RYR3: variants seen among roughly 807,000 people sequenced by gnomAD.
RYR3 encodes brain ryanodine receptor-calcium release channel.
A neutral mutation model predicts 584.3 loss-of-function variants in RYR3; 207 were observed. That is an observed-to-expected ratio of 0.35 (90% CI 0.32 to 0.40). The LOEUF (loss-of-function observed/expected upper bound fraction) is 0.40, where lower values mean the gene tolerates loss of function less well. Ranked by LOEUF, RYR3 falls within the 10% of genes least tolerant of loss-of-function variation. The probability of loss-of-function intolerance (pLI) is 1.00; values close to 1 mark genes in which losing one functional copy is unlikely to be tolerated. For synonymous variants in RYR3, 2,416 were observed against 2,248.5 expected, an observed-to-expected ratio of 1.07 and a Z score of -2.11; for missense variants, 5,616 against 6,089.2, an observed-to-expected ratio of 0.92 and a Z score of 2.59.
intron 98 of RYR3, among the ~76,000 whole-genome samples, chr15:33,857,166 C>G (rs909334556): frequency 1.3e-5 from 2 of 152,180 alleles, no homozygotes; most frequent in African/African-American, 4.8e-5. Context: ...CGAAGTACTA[C>G]AGACTGCTAT....
intron 18 of RYR3, among the ~76,000 whole-genome samples, chr15:33,606,370 C>T (rs947781457): frequency 2.0e-5 from 3 of 152,196 alleles, no homozygotes; most frequent in African/African-American, 7.2e-5. Flanking sequence ...TGGTACTTCA[C>T]TCAAGACCAT....
chr15:33,543,507 C>G (rs2055997436), intron 7 of RYR3, 115 bp from the exon 8 acceptor site: 1 of 727,154 alleles, frequency 1.4e-6, no homozygotes. Flanking sequence ...CAAAATGTGT[C>G]TCTCTCAGTA....
At chr15:33,808,252 C>T (rs2076310979) in intron 70 of RYR3, among the ~76,000 whole-genome samples, 1 of 152,174 alleles carries the variant, frequency 6.6e-6, no homozygotes, top group Admixed American at 6.5e-5. Flanking sequence ...GGCTTACTTG[C>T]TATGTGATCT....
chr15:33,351,663 T>A (rs1182361084), intron 1 of RYR3, among the ~76,000 whole-genome samples: 2 of 149,130 alleles, frequency 1.3e-5, no homozygotes, highest in East Asian at 3.9e-4. Flanking sequence ...AAAAACCACA[T>A]GATTATCTCA....
chr15:33,622,227 C>G lies in RYR3; in HGVS notation c.2358-1580C>G, dbSNP rs2060762025. On this transcript the variant is annotated intron_variant, in intron 19 of 103. Transcript: ENST00000634891. ...CTACCTCCTTGTCGGGGCTCATAGACCCTGCCTGATACAGCCCTACCACTC... is the reference window on the plus strand; with the variant it reads ...CTACCTCCTTGTCGGGGCTCATAGAGCCTGCCTGATACAGCCCTACCACTC... 3.9e-5 allele frequency among the ~76,000 whole-genome samples: 6 copies of G among 152,192 alleles called. No individual in the cohort carries two copies. The South Asian group carries it at 1.2e-3, about 32-fold the overall frequency.
chr15:33,794,023 TATAA>T (rs2075340217), intron 67 of RYR3, among the ~76,000 whole-genome samples: 1 of 125,622 alleles, frequency 8.0e-6, no homozygotes, highest in Admixed American at 9.2e-5. Flanking sequence ...ATATATTATA[TATAA>T]ATATATACAT....
At chr15:33,647,722 G>A (rs547730300) in intron 30 of RYR3, among the ~76,000 whole-genome samples, 1 of 152,244 alleles carries the variant, frequency 6.6e-6, no homozygotes, top group African/African-American at 2.4e-5. Flanking sequence ...TTGCCATCAG[G>A]GATCCAACAC....
In RYR3 at chr15:33,631,237, T is replaced by A; in HGVS notation, c.2811T>A (p.Ile937=). 8 of 1,591,602 alleles carry A rather than the reference T, an allele frequency of 5.0e-6. No individual in the cohort carries two copies. The highest frequency in any genetic ancestry group is 5.1e-6 in the Non-Finnish European group (6 of 1,168,056). ...CCCTCTTGGCCCTGGGGTGCCACAT[T>A]GCTCATGTTAACCCAGCTGCTGAGG... ...LKTLLALGCH[I]AHVNPAAEED... is the part of the protein sequence containing the mutation. Residue 937 remains isoleucine, a synonymous_variant, in exon 23 of 104, where the codon ATT becomes ATA. Transcript: ENST00000634891.
At chr15:33,653,436 C>A (rs558259412) in intron 32 of RYR3, among the ~76,000 whole-genome samples, 1 of 152,214 alleles carries the variant, frequency 6.6e-6, no homozygotes, top group African/African-American at 2.4e-5. Flanking sequence ...CTTTGGGAGG[C>A]CGAGGCGGGG....
chr15:33,450,087 T>TAAAAAAAAAAAAAAA lies in RYR3; in HGVS notation c.52-23322_52-23308dup, dbSNP rs10647466. Among the ~76,000 whole-genome samples the TAAAAAAAAAAAAAAA allele has an allele frequency of 5.3e-4, 36 of 67,318 alleles. 6 individuals carry two copies. Among genetic ancestry groups the TAAAAAAAAAAAAAAA allele is most frequent in the African/African-American group, 1.1e-3 (20 of 18,202 alleles). 44.2% of individuals were successfully genotyped at this position (67,318 alleles called of 152,430 possible). A position where few individuals can be genotyped will look rare whatever the true frequency, so the allele number is the denominator to read the frequency against. ...TTACTGCGGCTAGAGCATTAATACC[T>TAAAAAAAAAAAAAAA]AAAAAAAAAAAAAAAAAAAAAAAAG... On this transcript the variant is annotated intron_variant, in intron 1 of 103. Transcript: ENST00000634891.
chr15:33,418,320 C>T (rs1025782228), intron 1 of RYR3, among the ~76,000 whole-genome samples: 2 of 148,540 alleles, frequency 1.3e-5, no homozygotes, highest in Non-Finnish European at 3.0e-5. Context: ...GGCTTTTTCT[C>T]GTTGGCAGGT....
At chr15:33,860,704 C>G (rs1321224294) in intron 101 of RYR3, 45 bp downstream of exon 101, 8 of 1,338,548 alleles carry the variant, frequency 6.0e-6, no homozygotes, top group Non-Finnish European at 8.3e-6. Flanking sequence ...TTTAATATCC[C>G]CAGAAGCAAA....
chr15:33,713,642 T>G (rs1263111738), intron 43 of RYR3, among the ~76,000 whole-genome samples: 1 of 152,224 alleles, frequency 6.6e-6, no homozygotes, highest in Non-Finnish European at 1.5e-5. Context: ...GGAAGCATCT[T>G]AGTCTGTTCA....
chr15:33,435,409 A>C (rs1205163797), intron 1 of RYR3, among the ~76,000 whole-genome samples: 1 of 152,152 alleles, frequency 6.6e-6, no homozygotes, highest in Admixed American at 6.5e-5. Context: ...CAGTGTATAC[A>C]TTTATCATTA....
chr15:33,643,844 C>T (rs1175994654), intron 27 of RYR3, among the ~76,000 whole-genome samples: 2 of 152,084 alleles, frequency 1.3e-5, no homozygotes, highest in African/African-American at 2.4e-5. Context: ...ATAACATATT[C>T]ATCATCTCAC....
At chr15:33,585,758 G>A (rs548010368) in intron 15 of RYR3, among the ~76,000 whole-genome samples, 1 of 152,328 alleles carries the variant, frequency 6.6e-6, no homozygotes, top group Non-Finnish European at 1.5e-5. Context: ...CAGGAAGCGG[G>A]AGATAGGGTT....
At position 33,788,430 on chromosome 15, in the gene RYR3, A is replaced by G. The variant is rs766980461; in HGVS notation, c.9802A>G (p.Met3268Val). Residue 3268 changes from methionine (M) to valine (V), a missense_variant, in exon 67 of 104, where the codon ATG becomes GTG. Physicochemically the swap from Met to Val is conservative, Grantham distance 21. Transcript: ENST00000634891. ...CAGAGATCTCTATGCCTTCTACCCC[A>G]TGCTGATCCGCTACGTGGACAACAA... ...LCRDLYAFYPMLIRYVDNNRS... is the reference protein window; with the variant it reads ...LCRDLYAFYPVLIRYVDNNRS... 1.2e-4 allele frequency: 186 copies of G among 1,613,758 alleles called. No homozygotes were observed. Among genetic ancestry groups the G allele is most frequent in the Non-Finnish European group, 1.5e-4 (178 of 1,179,792 alleles).
rs111520284 is a variant in RYR3, at chr15:33,660,611, T to G, written c.4622+188T>G. The stretch of plus-strand genomic sequence containing the variant: ...TACTCAGAAACAGCAGGAAACACAC[T>G]AGGAGGTGCCTGCCACAGGGCCTTT... On this transcript the variant is annotated intron_variant, in intron 34 of 103. Transcript: ENST00000634891. Among the ~76,000 whole-genome samples the G allele has an allele frequency of 6.5e-3, 996 of 152,326 alleles. 11 individuals carry two copies. Among genetic ancestry groups the G allele is most frequent in the African/African-American group, 0.022 (915 of 41,572 alleles).
intron 52 of RYR3, among the ~76,000 whole-genome samples, chr15:33,743,501 G>T (rs1461615755): frequency 1.3e-5 from 2 of 152,168 alleles, no homozygotes; most frequent in African/African-American, 2.4e-5. Context: ...TTAAAAAAAG[G>T]TGGCCAGCTA....
Sources: allele counts gnomAD v4.1 joint callset (sites outside exome capture counted in the v4.1 genomes callset), GRCh38; gene constraint gnomAD v4.1.1; transcripts MANE v1.5; gene names NCBI Gene and HGNC (gene_info 2026-07-23, HGNC 2026-07-21).